The following CSTPP1 variants were observed in gnomAD, a reference collection of about 807,000 sequenced individuals.
CSTPP1 encodes the protein centriolar satellite-associated tubulin polyglutamylase complex regulator 1.
chr11:46,991,143 A>G, the CSTPP1 span, among the ~76,000 whole-genome samples: 5 of 150,618 alleles, frequency 3.3e-5, no homozygotes, highest in African/African-American at 1.2e-4. Flanking sequence ...AGTAATCCTT[A>G]TAGGCTTCCA....
the CSTPP1 span, among the ~76,000 whole-genome samples, chr11:46,974,950 C>T: frequency 6.7e-6 from 1 of 149,242 alleles, no homozygotes; most frequent in African/African-American, 2.5e-5. Context: ...GGGAAGAAAC[C>T]AAAGAAAATA....
chr11:47,161,623 C>T, the CSTPP1 span: 509 of 1,613,042 alleles, frequency 3.2e-4, 3 homozygotes, highest in East Asian at 6.9e-3. Flanking sequence ...AAGAGACAGA[C>T]GAGTCGGAGA....
the CSTPP1 span, among the ~76,000 whole-genome samples, chr11:46,952,842 A>G: frequency 6.6e-6 from 1 of 152,182 alleles, no homozygotes; most frequent in Non-Finnish European, 1.5e-5. Context: ...AGTTCTTTAT[A>G]ATTGGTTTGT....
At chr11:47,137,383 C>T in the CSTPP1 span, 2 of 1,487,146 alleles carry the variant, frequency 1.3e-6, no homozygotes, top group South Asian at 2.4e-5. Context: ...TTGCTCTCTT[C>T]ACCCGACCAA....
the CSTPP1 span, chr11:46,987,490 G>GT: frequency 0.81 from 471,755 of 579,196 alleles, 198,604 homozygotes; most frequent in African/African-American, 0.97. Context: ...GGTGCAGCTA[G>GT]TTTGTCCAGT....
chr11:47,157,129 T>G, the CSTPP1 span: 4 of 1,614,078 alleles, frequency 2.5e-6, no homozygotes, highest in Non-Finnish European at 3.4e-6. Flanking sequence ...GCCAACGACC[T>G]GCCTTGGGCG....
the CSTPP1 span, among the ~76,000 whole-genome samples, chr11:47,106,642 CAAA>C: frequency 7.5e-6 from 1 of 133,696 alleles, no homozygotes. Flanking sequence ...GACCCTATCT[CAAA>C]AAAAAAAAAG....
the CSTPP1 span, among the ~76,000 whole-genome samples, chr11:47,106,344 A>T: frequency 8.3e-4 from 127 of 152,350 alleles, no homozygotes; most frequent in African/African-American, 2.9e-3. Context: ...TAGTGAAAGG[A>T]TGAAAGTGAA....
chr11:47,070,257 G>A, the CSTPP1 span, among the ~76,000 whole-genome samples: 1 of 151,898 alleles, frequency 6.6e-6, no homozygotes, highest in African/African-American at 2.4e-5. Flanking sequence ...GTGGATGGAT[G>A]GAGAGAGGGG....
chr11:46,999,783 T>C, the CSTPP1 span, among the ~76,000 whole-genome samples: 3 of 152,350 alleles, frequency 2.0e-5, no homozygotes, highest in Admixed American at 6.5e-5. Flanking sequence ...GATTTACCTT[T>C]AAACAGTGAT....
the CSTPP1 span, among the ~76,000 whole-genome samples, chr11:46,991,261 T>C: frequency 6.6e-6 from 1 of 151,440 alleles, no homozygotes; most frequent in African/African-American, 2.4e-5. Flanking sequence ...GCTATTCAAA[T>C]GGCCTCACCT....
the CSTPP1 span, among the ~76,000 whole-genome samples, chr11:46,974,405 G>A: frequency 6.6e-6 from 1 of 151,650 alleles, no homozygotes; most frequent in Non-Finnish European, 1.5e-5. Flanking sequence ...CCAGGCGCCT[G>A]TAATCCCAGC....
the CSTPP1 span, among the ~76,000 whole-genome samples, chr11:46,955,669 A>G: frequency 6.6e-6 from 1 of 151,756 alleles, no homozygotes; most frequent in Non-Finnish European, 1.5e-5. Context: ...AGGCTACAGC[A>G]GTGTCTTAAG....
At chr11:47,122,055 G>A in the CSTPP1 span, among the ~76,000 whole-genome samples, 1 of 85,088 alleles carries the variant, frequency 1.2e-5, no homozygotes, top group Admixed American at 1.8e-4. Flanking sequence ...TGACAACAGA[G>A]CAAGACCCTG....
the CSTPP1 span, among the ~76,000 whole-genome samples, chr11:47,029,644 A>T: frequency 6.6e-6 from 1 of 151,650 alleles, no homozygotes; most frequent in Admixed American, 6.6e-5. Flanking sequence ...TAATTTCATA[A>T]TTTTTCCCAA....
chr11:46,944,288 A>C, the CSTPP1 span, among the ~76,000 whole-genome samples: 4 of 149,328 alleles, frequency 2.7e-5, no homozygotes, highest in South Asian at 8.5e-4. Context: ...ACTGCACTCC[A>C]GCCTGGGTGA....
At chr11:47,047,150 G>A in the CSTPP1 span, among the ~76,000 whole-genome samples, 104 of 152,090 alleles carry the variant, frequency 6.8e-4, no homozygotes, top group Non-Finnish European at 1.2e-3. Flanking sequence ...ATCTGCCCGC[G>A]TCAACCTCCC....
At chr11:46,970,518 G>A in the CSTPP1 span, among the ~76,000 whole-genome samples, 2 of 151,412 alleles carry the variant, frequency 1.3e-5, no homozygotes, top group Admixed American at 6.6e-5. Flanking sequence ...TTGAATTGTA[G>A]TTTGAATTAA....
At chr11:46,975,947 G>C in the CSTPP1 span, among the ~76,000 whole-genome samples, 1 of 152,170 alleles carries the variant, frequency 6.6e-6, no homozygotes, top group Non-Finnish European at 1.5e-5. Context: ...TCCTGGTGAA[G>C]AGGAATAGTG....
Sources: gnomAD v4.1 joint callset for allele counts (sites outside exome capture counted in the v4.1 genomes callset) on GRCh38, gnomAD v4.1.1 for gene constraint, MANE v1.5 for transcripts, NCBI Gene and HGNC (gene_info 2026-07-23, HGNC 2026-07-21) for gene names.